TTLL1: variants seen among roughly 807,000 people sequenced by gnomAD.
TTLL1 encodes TTL family tubulin polyglutamylase complex subunit L1, also known as polyglutamylase complex subunit TTLL1.
In TTLL1, 33 loss-of-function variants were observed where a neutral mutation model predicts 47.8. That is an observed-to-expected ratio of 0.69 (90% CI 0.52 to 0.92). The LOEUF (loss-of-function observed/expected upper bound fraction) is 0.92. TTLL1 is among the 40% of genes least tolerant of loss of function. The pLI, the probability that TTLL1 is intolerant of heterozygous loss-of-function variation, is 0.00. For missense variants in TTLL1, 488 were observed against 547.5 expected, an observed-to-expected ratio of 0.89 and a Z score of 1.08; for synonymous variants, 225 against 214.1, an observed-to-expected ratio of 1.05 and a Z score of -0.45.
chr22:43,068,623 A>G, intron 4 of TTLL1, 33 bp from the exon 5 acceptor site: 6 of 1,409,698 alleles, frequency 4.3e-6, no homozygotes, highest in Non-Finnish European at 5.6e-6. Context: ...ACTGGTAAGC[A>G]GCCAGCCCAA....
At chr22:43,058,684 GTTTT>G (rs928245996) in intron 8 of TTLL1, among the ~76,000 whole-genome samples, 3 of 147,994 alleles carry the variant, frequency 2.0e-5, no homozygotes, top group African/African-American at 4.9e-5. Context: ...GTGAAAACAG[GTTTT>G]TTTTTGTTTT....
At chr22:43,081,426 G>C (rs180775058) in intron 1 of TTLL1, among the ~76,000 whole-genome samples, 1 of 152,072 alleles carries the variant, frequency 6.6e-6, no homozygotes, top group African/African-American at 2.4e-5. Flanking sequence ...GATGTGTTAC[G>C]GGTTAAGTTG....
In TTLL1 at chr22:43,051,885, C is replaced by T. The variant is rs9607998; in HGVS notation, c.894G>A (p.Pro298=). ...IIVQSLKAVA[P]VMNNDKHCFE... is the part of the protein sequence containing the mutation. The stretch of plus-strand genomic sequence containing the variant: ...AGCAGTGCTTGTCATTGTTCATCAC[C>T]GGCTGGAGAGAGAGTGACCAGTGGG... The change falls in exon 9 of 11, where the codon CCG becomes CCA. Residue 298 remains proline (P), a splice_region_variant and synonymous_variant. Coordinates refer to ENST00000266254, the MANE Select transcript of TTLL1 (RefSeq NM_012263.5). 72,322 of 1,613,604 alleles carry T rather than the reference C, an allele frequency of 0.045. 1,898 individuals are homozygous for T. Among genetic ancestry groups the T allele is most frequent in the Non-Finnish European group, 0.053 (62,523 of 1,179,662 alleles).
At chr22:43,065,000 C>T (rs559487582) in intron 5 of TTLL1, among the ~76,000 whole-genome samples, 5 of 151,886 alleles carry the variant, frequency 3.3e-5, no homozygotes, top group African/African-American at 9.6e-5. Context: ...ACAAAAATAG[C>T]CAGGCATGGG....
intron 6 of TTLL1, 134 bp from the exon 7 acceptor site, chr22:43,064,055 T>C (rs1290563428): frequency 6.7e-7 from 1 of 1,493,020 alleles, no homozygotes; most frequent in Non-Finnish European, 9.2e-7. Flanking sequence ...TGACTGCTCT[T>C]ACTTCCCTCA....
rs369877797 is a variant in TTLL1 at position 43,059,861 on chromosome 22, T to TA, written c.748-335dup. Among the ~76,000 whole-genome samples, 818 of 152,250 alleles carry TA rather than the reference T, an allele frequency of 5.4e-3. 5 individuals carry two copies. Among genetic ancestry groups the TA allele is most frequent in the African/African-American group, 0.018 (764 of 41,550 alleles). ...TGTGCCACTATGCCTGGCTAATTTT[T>TA]AAATTTTTTGTAGAGAAGAGGTCTC... On this transcript the variant is annotated intron_variant, in intron 7 of 10. Transcript: ENST00000266254.
In TTLL1 at chr22:43,068,592, T is replaced by C; in HGVS notation, c.323-2A>G. On this transcript the variant is annotated splice_acceptor_variant, in intron 4 of 10. Transcript: ENST00000266254. LOFTEE classifies it high-confidence loss of function. ...GCATATAGGTGACTGGAACAAAGTC[T>C]GCAAGGCAAAGACACCCAGCACTGG... 6.8e-7 allele frequency: 1 copy of C among 1,477,060 alleles called. No homozygotes were observed. The highest frequency in any genetic ancestry group is 9.1e-7 in the Non-Finnish European group (1 of 1,094,892). The allele number at this position is 1,477,060 out of a possible 1,614,324, so 91.5% of individuals were successfully genotyped here.
At chr22:43,043,368 G>A (rs1298396144) in intron 10 of TTLL1, among the ~76,000 whole-genome samples, 3 of 152,060 alleles carry the variant, frequency 2.0e-5, no homozygotes, top group East Asian at 1.9e-4. Flanking sequence ...CAACTGGACT[G>A]AAGAGAACCC....
rs767062843 is a variant in TTLL1, at chr22:43,064,243, G to A, written c.585C>T (p.Phe195=). 5.0e-6 allele frequency: 8 copies of A among 1,614,174 alleles called. No homozygotes were observed. The highest frequency in any genetic ancestry group is 3.3e-5 in the Admixed American group (2 of 59,998). Reference sequence around the variant, plus strand: ...ACACCAGAACGTACAAGCGCAGGTCGAACTTCCTCCCGCCAATTAGTAACG... The same window carrying A: ...ACACCAGAACGTACAAGCGCAGGTCAAACTTCCTCCCGCCAATTAGTAACG... ...NNPLLIGGRK[F]DLRLYVLVST... The change falls in exon 6 of 11, where the codon TTC becomes TTT. Residue 195 remains phenylalanine, a synonymous_variant. Transcript: ENST00000266254.
At position 43,046,487 on chromosome 22, in the gene TTLL1, G is replaced by C. The variant is rs767079151; in HGVS notation, c.1065C>G (p.Ala355=). 1 of 1,613,964 alleles carries C rather than the reference G, an allele frequency of 6.2e-7. No individual in the cohort carries two copies. Among genetic ancestry groups the C allele is most frequent in the Admixed American group, 1.7e-5 (1 of 59,958 alleles). Residue 355 remains alanine (A), a synonymous_variant, in exon 10 of 11, where the codon GCC becomes GCG. Transcript: ENST00000266254. ...AGTCTGGGATTTCACCATTCGGGAC[G>C]GCGATGTTGAGGGTGTCATTAATCA... ...YNLINDTLNI[A]VPNGEIPDCK...
intron 3 of TTLL1, among the ~76,000 whole-genome samples, chr22:43,073,692 T>A (rs1928285394): frequency 6.6e-6 from 1 of 151,986 alleles, no homozygotes; most frequent in Admixed American, 6.6e-5. Flanking sequence ...CATAATCCAC[T>A]CAAAGTACTT....
At chr22:43,059,132 C>T (rs192290280) in intron 8 of TTLL1, among the ~76,000 whole-genome samples, 31 of 152,042 alleles carry the variant, frequency 2.0e-4, no homozygotes, top group African/African-American at 6.5e-4. Context: ...TGGGATTACA[C>T]GTGCATGCCA....
intron 1 of TTLL1, among the ~76,000 whole-genome samples, chr22:43,086,793 T>C (rs972149667): frequency 5.9e-5 from 9 of 152,186 alleles, no homozygotes; most frequent in African/African-American, 2.2e-4. Flanking sequence ...GGCCCCACTC[T>C]GTCCCCTGCT....
intron 10 of TTLL1, among the ~76,000 whole-genome samples, chr22:43,040,800 G>A (rs1479375223): frequency 2.6e-5 from 4 of 152,160 alleles, no homozygotes; most frequent in Admixed American, 6.6e-5. Flanking sequence ...CTAAGGCCGC[G>A]TGTGCTAAGG....
At chr22:43,065,008 G>C (rs1443427329) in intron 5 of TTLL1, among the ~76,000 whole-genome samples, 1 of 151,950 alleles carries the variant, frequency 6.6e-6, no homozygotes, top group Admixed American at 6.6e-5. Flanking sequence ...AGCCAGGCAT[G>C]GGGGCGGGTG....
intron 4 of TTLL1, 170 bp downstream of exon 4, chr22:43,069,466 C>T (rs956523715): frequency 2.5e-6 from 3 of 1,193,200 alleles, no homozygotes; most frequent in Non-Finnish European, 3.4e-6. Context: ...CACACTCAGG[C>T]CCCTCCTTCT....
At chr22:43,084,090 G>A (rs772494505) in intron 1 of TTLL1, among the ~76,000 whole-genome samples, 3 of 152,036 alleles carry the variant, frequency 2.0e-5, no homozygotes, top group Non-Finnish European at 2.9e-5. Flanking sequence ...CCTTATTCTC[G>A]TCAAAAGGGA....
chr22:43,053,816 C>T (rs553836314), intron 8 of TTLL1, among the ~76,000 whole-genome samples: 1 of 152,194 alleles, frequency 6.6e-6, no homozygotes, highest in Non-Finnish European at 1.5e-5. Context: ...CAGAAGGAGT[C>T]GTTCAGAGGC....
At chr22:43,048,810 A>G (rs1926363454) in intron 9 of TTLL1, among the ~76,000 whole-genome samples, 1 of 151,710 alleles carries the variant, frequency 6.6e-6, no homozygotes, top group East Asian at 1.9e-4. Context: ...GGTGGCAGTT[A>G]CCTGTAATCC....
Sources: allele counts gnomAD v4.1 joint callset (sites outside exome capture counted in the v4.1 genomes callset), GRCh38; gene constraint gnomAD v4.1.1; transcripts MANE v1.5; gene names NCBI Gene and HGNC (gene_info 2026-07-23, HGNC 2026-07-21).